L3HYPDH: variants seen among roughly 807,000 people sequenced by gnomAD.
The protein encoded by L3HYPDH is trans-L-3-hydroxyproline dehydratase, also known as trans-3-hydroxy-L-proline dehydratase.
A neutral mutation model predicts 26.5 loss-of-function variants in L3HYPDH; 32 were observed. That is an observed-to-expected ratio of 1.21 (90% CI 0.91 to 1.62). L3HYPDH has a LOEUF of 1.62. Among genes scored for constraint, L3HYPDH ranks in the 40% most tolerant of loss-of-function variants. L3HYPDH has a pLI of 0.00. For missense variants in L3HYPDH, 554 were observed against 476.4 expected, an observed-to-expected ratio of 1.16 and a Z score of -1.52; for synonymous variants, 215 against 196.6, an observed-to-expected ratio of 1.09 and a Z score of -0.78.
intron 1 of L3HYPDH, 29 bp from the exon 2 acceptor site, chr14:59,479,380 A>T (rs757983063): frequency 1.9e-6 from 3 of 1,593,024 alleles, no homozygotes; most frequent in African/African-American, 2.7e-5. Flanking sequence ...TGGAAAGAAG[A>T]TGTGTTTGTT....
chr14:59,484,176 C>T lies in L3HYPDH; in HGVS notation c.141G>A (p.Leu47=), dbSNP rs146746234. 18 of 1,599,646 alleles carry T rather than the reference C, an allele frequency of 1.1e-5. No homozygotes were observed. The East Asian group carries it at 4.0e-4, about 36-fold the overall frequency. ...AGCPEVSGPT[L]LAKRRYMRQH... ...GGCGCATGTAGCGCCGCTTGGCCAGCAGGGTGGGCCCAGACACCTCCGGAC... is the reference window on the plus strand; with the variant it reads ...GGCGCATGTAGCGCCGCTTGGCCAGTAGGGTGGGCCCAGACACCTCCGGAC... Residue 47 remains leucine, a synonymous_variant, in exon 1 of 5, where the codon CTG becomes CTA. Transcript: ENST00000247194.
At position 59,484,296 on chromosome 14, in the gene L3HYPDH, C is replaced by G. The variant is rs563289902; in HGVS notation, c.21G>C (p.Val7=). The G allele has an allele frequency of 5.0e-6, 8 of 1,590,948 alleles. No homozygotes were observed. The East Asian group carries it at 1.3e-4, about 27-fold the overall frequency. MESALA[V]PRLPPHDPGT... is the part of the protein sequence containing the mutation. ...CTGGATCATGCGGGGGCAGCCGGGG[C>G]ACCGCCAGCGCGCTCTCCATGGTCT... Residue 7 remains valine (V), a synonymous_variant, in exon 1 of 5, where the codon GTG becomes GTC. Coordinates refer to ENST00000247194, the MANE Select transcript of L3HYPDH (RefSeq NM_144581.2).
At position 59,472,739 on chromosome 14, in the gene L3HYPDH, ACT is replaced by A. The variant is rs113088041; in HGVS notation, c.*224_*225del. On this transcript the variant is annotated 3_prime_UTR_variant, in exon 5 of 5. Transcript: ENST00000247194. Reference sequence around the variant, plus strand: ...CTGATACGTTAATCACTAGAAAAAGACTCTGAATTTCTGGCATTTTGTATGCT... The same window carrying A: ...CTGATACGTTAATCACTAGAAAAAGACTGAATTTCTGGCATTTTGTATGCT... The A allele has an allele frequency of 0.048, 17,805 of 373,098 alleles. 501 individuals carry two copies. Among genetic ancestry groups the A allele is most frequent in the Non-Finnish European group, 0.056 (11,982 of 212,112 alleles). 23.1% of individuals were successfully genotyped at this position (373,098 alleles called of 1,614,324 possible). A position where few individuals can be genotyped will look rare whatever the true frequency, so the allele number is the denominator to read the frequency against.
At chr14:59,486,890 T>C (rs1415495566), upstream of L3HYPDH, 1 of 939,736 alleles carries the variant, frequency 1.1e-6, no homozygotes, top group East Asian at 2.6e-5. Flanking sequence ...TTTGTTATTA[T>C]ACTCATTAAT....
At chr14:59,480,173 A>G (rs1177029882) in intron 1 of L3HYPDH, among the ~76,000 whole-genome samples, 2 of 152,218 alleles carry the variant, frequency 1.3e-5, no homozygotes, top group Non-Finnish European at 2.9e-5. Context: ...GGGAAGCCTA[A>G]GCTCTCAGGG....
upstream of L3HYPDH, chr14:59,487,826 G>T: frequency 5.6e-6 from 9 of 1,613,318 alleles, no homozygotes; most frequent in Non-Finnish European, 7.6e-6. Flanking sequence ...CGGGGAAAAA[G>T]AGGTTAGCAC....
rs1889378270 is a variant in L3HYPDH, at chr14:59,473,101, A to G, written c.940-11T>C. 3 of 1,587,750 alleles carry G rather than the reference A, an allele frequency of 1.9e-6. No homozygotes were observed. In the African/African-American group the frequency reaches 4.1e-5, roughly 22 times the overall value. On this transcript the variant is annotated splice_polypyrimidine_tract_variant and intron_variant, in intron 4 of 4. Transcript: ENST00000247194. ...ACCACATTTCGCTTCCTGAAAAAAG[A>G]TGAAGGGAGTATACTATCAAAATAT...
At chr14:59,502,313 C>G in the L3HYPDH span, among the ~76,000 whole-genome samples, 1 of 152,200 alleles carries the variant, frequency 6.6e-6, no homozygotes, top group African/African-American at 2.4e-5. Context: ...TCTCAGTACT[C>G]TTCCATCCTA....
At chr14:59,500,608 GTTACTC>G in the L3HYPDH span, among the ~76,000 whole-genome samples, 1 of 152,124 alleles carries the variant, frequency 6.6e-6, no homozygotes, top group Non-Finnish European at 1.5e-5. Context: ...TTAAAGCTGA[GTTACTC>G]TTATAGATAA....
chr14:59,472,595 A>G (rs1889346285), downstream of L3HYPDH: 1 of 160,178 alleles, frequency 6.2e-6, no homozygotes, highest in Non-Finnish European at 1.4e-5. Context: ...AAAAATAATG[A>G]GCTTGTAAAG....
chr14:59,477,232 C>A (rs552755042), intron 2 of L3HYPDH, among the ~76,000 whole-genome samples: 1 of 152,168 alleles, frequency 6.6e-6, no homozygotes, highest in Non-Finnish European at 1.5e-5. Context: ...GTTCTTTCTT[C>A]GAGTCTCCAG....
Position 59,473,109 on chromosome 14 carries a change from A to C in L3HYPDH, c.940-19T>G, listed in dbSNP as rs910480355. 1 of 1,574,084 alleles carries C rather than the reference A, an allele frequency of 6.4e-7. No individual in the cohort carries two copies. The highest frequency in any genetic ancestry group is 2.3e-5 in the East Asian group (1 of 43,404). Reference sequence around the variant, plus strand: ...TCGCTTCCTGAAAAAAGATGAAGGGAGTATACTATCAAAATATTGCACTCG... The same window carrying C: ...TCGCTTCCTGAAAAAAGATGAAGGGCGTATACTATCAAAATATTGCACTCG... On this transcript the variant is annotated intron_variant, in intron 4 of 4. Transcript: ENST00000247194.
In L3HYPDH at chr14:59,484,087, C is replaced by A; in HGVS notation, c.230G>T (p.Gly77Val). 1 of 1,606,644 alleles carries A rather than the reference C, an allele frequency of 6.2e-7. No homozygotes were observed. Among genetic ancestry groups the A allele is most frequent in the Non-Finnish European group, 8.5e-7 (1 of 1,179,484 alleles). Reference sequence around the variant, plus strand: ...CAGCTCGCTCGGGACTAGGACCGCCCCGTACATGTCCCGGTGCCCTCGGGG... The same window carrying A: ...CAGCTCGCTCGGGACTAGGACCGCCACGTACATGTCCCGGTGCCCTCGGGG... ...FEPRGHRDMY[G>V]AVLVPSELPD... Residue 77 changes from glycine (G) to valine (V), a missense_variant, in exon 1 of 5, where the codon GGG (glycine) becomes GTG (valine). By Grantham distance (109) the Gly-to-Val change is moderately radical (BLOSUM62 -3). Coordinates refer to ENST00000247194, the MANE Select transcript of L3HYPDH (RefSeq NM_144581.2).
intron 1 of L3HYPDH, among the ~76,000 whole-genome samples, chr14:59,466,615 A>G (rs1053977382): frequency 1.4e-4 from 21 of 152,258 alleles, no homozygotes; most frequent in African/African-American, 3.9e-4. Context: ...ACACTGCTCT[A>G]AAGAATGACT....
At chr14:59,499,392 A>T in the L3HYPDH span, among the ~76,000 whole-genome samples, 1 of 152,288 alleles carries the variant, frequency 6.6e-6, no homozygotes, top group South Asian at 2.1e-4. Flanking sequence ...TTGATAATGT[A>T]TACTGTTTAT....
At chr14:59,501,345 T>C in the L3HYPDH span, 2 of 873,472 alleles carry the variant, frequency 2.3e-6, no homozygotes, top group Non-Finnish European at 1.8e-6. Context: ...CCATATGATA[T>C]GATATAGTAC....
chr14:59,474,633 G>A (rs540226919), intron 4 of L3HYPDH: 2 of 603,548 alleles, frequency 3.3e-6, no homozygotes, highest in South Asian at 2.0e-5. Flanking sequence ...ACCTGGATCT[G>A]CTACTCACTA....
At chr14:59,499,015 CTTTTTTTTTTTTTTTT>C in the L3HYPDH span, 5 of 127,286 alleles carry the variant, frequency 3.9e-5, no homozygotes, top group Non-Finnish European at 4.1e-5. Flanking sequence ...TTGTTTAATC[CTTTTTTTTTTTTTTTT>C]TTTTTTTTTT....
chr14:59,492,702 G>A, the L3HYPDH span, among the ~76,000 whole-genome samples: 1 of 152,022 alleles, frequency 6.6e-6, no homozygotes, highest in Non-Finnish European at 1.5e-5. Flanking sequence ...CTGAAGCCCA[G>A]ATTCTCATGC....
Sources: allele counts gnomAD v4.1 joint callset (sites outside exome capture counted in the v4.1 genomes callset), GRCh38; gene constraint gnomAD v4.1.1; transcripts MANE v1.5; gene names NCBI Gene and HGNC (gene_info 2026-07-23, HGNC 2026-07-21).